Variants in DCUN1D3 observed in about 807,000 individuals in gnomAD.
DCUN1D3 encodes the protein defective in cullin neddylation 1 domain containing 3.
A neutral mutation model predicts 24.8 loss-of-function variants in DCUN1D3; 6 were observed. The observed-to-expected ratio is 0.24, with a 90% confidence interval of 0.13 to 0.48. The LOEUF is 0.48. Among genes scored for constraint, DCUN1D3 ranks in the 20% least tolerant of loss-of-function variants. The pLI, the probability that DCUN1D3 is intolerant of heterozygous loss-of-function variation, is 0.99. For missense variants in DCUN1D3, 258 were observed against 379.4 expected, an observed-to-expected ratio of 0.68 and a Z score of 2.66; for synonymous variants, 120 against 144.9, an observed-to-expected ratio of 0.83 and a Z score of 1.24.
rs2081720472 is a variant in DCUN1D3, at chr16:20,859,658, C to T, written c.*228G>A. The T allele has an allele frequency of 2.2e-6, 1 of 462,672 alleles. No individual in the cohort carries two copies. The allele number at this position is 462,672 out of a possible 1,614,324, so 28.7% of individuals were successfully genotyped here. A position where few individuals can be genotyped will look rare whatever the true frequency, so the allele number is the denominator to read the frequency against. ...AAGATACACAACATGTAACCAGGTT[C>T]AAATATTCTGGGAGATCCCCCCAAA... On this transcript the variant is annotated 3_prime_UTR_variant, in exon 3 of 3. Coordinates refer to ENST00000324344, the MANE Select transcript of DCUN1D3 (RefSeq NM_173475.4).
At chr16:20,895,566 G>C (rs1283943013) in intron 1 of DCUN1D3, among the ~76,000 whole-genome samples, 2 of 152,124 alleles carry the variant, frequency 1.3e-5, no homozygotes, top group African/African-American at 4.8e-5. Context: ...TGGTAACTAA[G>C]GGGTCCAAAA....
chr16:20,874,674 C>A (rs1388320230), intron 1 of DCUN1D3, among the ~76,000 whole-genome samples: 2 of 152,182 alleles, frequency 1.3e-5, no homozygotes, highest in East Asian at 1.9e-4. Context: ...ATCACTGAGA[C>A]AATTTCTCTT....
rs1334636229 is a variant in DCUN1D3 at position 20,857,858 on chromosome 16, T to G, written c.*2028A>C. On this transcript the variant is annotated 3_prime_UTR_variant, in exon 3 of 3. Transcript: ENST00000324344. ...AAACAAATTCCAAGTATGTTCCCTA[T>G]GGTCAATATCAGTTTTAGAAAAATA... The G allele has an allele frequency of 1.3e-5, 2 of 151,990 alleles. No individual in the cohort carries two copies. The highest frequency in any genetic ancestry group is 4.8e-5 in the African/African-American group (2 of 41,362). The allele number at this position is 151,990 out of a possible 1,614,324, so 9.4% of individuals were successfully genotyped here. A position where few individuals can be genotyped will look rare whatever the true frequency, so the allele number is the denominator to read the frequency against.
At chr16:20,895,386 C>T (rs1273089370) in intron 1 of DCUN1D3, among the ~76,000 whole-genome samples, 1 of 152,124 alleles carries the variant, frequency 6.6e-6, no homozygotes, top group Non-Finnish European at 1.5e-5. Context: ...TAGTAGCCTC[C>T]TAACGTGCTG....
In DCUN1D3 at chr16:20,860,595, T is replaced by C. The variant is rs1596627040; in HGVS notation, c.432-226A>G. 6.6e-6 allele frequency among the ~76,000 whole-genome samples: 1 copy of C among 152,234 alleles called. No homozygotes were observed. The highest frequency in any genetic ancestry group is 1.5e-5 in the Non-Finnish European group (1 of 68,042). On this transcript the variant is annotated intron_variant, in intron 2 of 2. Transcript: ENST00000324344. This position sits in a 1 kb window ranked among gnomAD's most constrained non-coding sequence, Gnocchi z 4.3. ...CAAATTACTATTCTGCTTCTAACAGTGCCTGGCACACGGTTGGCAGCTGAT... is the reference window on the plus strand; with the variant it reads ...CAAATTACTATTCTGCTTCTAACAGCGCCTGGCACACGGTTGGCAGCTGAT...
In DCUN1D3 at chr16:20,856,681, C is replaced by A. The variant is rs1454414422; in HGVS notation, c.*3205G>T. 5 of 152,118 alleles carry A rather than the reference C, an allele frequency of 3.3e-5. No homozygotes were observed. Among genetic ancestry groups the A allele is most frequent in the African/African-American group, 9.7e-5 (4 of 41,406 alleles). 9.4% of individuals were successfully genotyped at this position (152,118 alleles called of 1,614,324 possible). ...GACAACCAGCTGAAGCATAGCAAAG[C>A]CCCTTACAGGAGGTGGGGTTAAGAA... is the stretch of plus-strand genomic sequence containing the variant. On this transcript the variant is annotated 3_prime_UTR_variant, in exon 3 of 3. Transcript: ENST00000324344.
rs902206070 is a variant in DCUN1D3, at chr16:20,860,658, T to C, written c.432-289A>G. On this transcript the variant is annotated intron_variant, in intron 2 of 2. Transcript: ENST00000324344. The surrounding 1 kb of genome is among the most constrained non-coding windows in gnomAD (Gnocchi z 4.3). Reference sequence around the variant, plus strand: ...ATTCATTCATTCATCTTCCCAAAGCTAAACTCAAGTCTCCTGCTCCCTGCC... The same window carrying C: ...ATTCATTCATTCATCTTCCCAAAGCCAAACTCAAGTCTCCTGCTCCCTGCC... 3.3e-5 allele frequency among the ~76,000 whole-genome samples: 5 copies of C among 152,328 alleles called. No homozygotes were observed. Among genetic ancestry groups the C allele is most frequent in the African/African-American group, 9.6e-5 (4 of 41,576 alleles).
chr16:20,863,234 A>T (rs2081742757), intron 1 of DCUN1D3, among the ~76,000 whole-genome samples: 1 of 152,226 alleles, frequency 6.6e-6, no homozygotes, highest in Non-Finnish European at 1.5e-5. Context: ...CCCACACAGT[A>T]GGTGAAATGC....
chr16:20,878,391 T>C (rs1248300300), intron 1 of DCUN1D3, among the ~76,000 whole-genome samples: 5 of 152,170 alleles, frequency 3.3e-5, no homozygotes, highest in Admixed American at 3.3e-4. Flanking sequence ...CTCAGGATCT[T>C]AGAAAAAATT....
chr16:20,859,505 C>T lies in DCUN1D3; in HGVS notation c.*381G>A, dbSNP rs2081717786. The T allele has an allele frequency of 2.3e-5, 4 of 172,468 alleles. No individual in the cohort carries two copies. The highest frequency in any genetic ancestry group is 3.6e-5 in the Non-Finnish European group (3 of 83,662). 10.7% of individuals were successfully genotyped at this position (172,468 alleles called of 1,614,324 possible). A position where few individuals can be genotyped will look rare whatever the true frequency, so the allele number is the denominator to read the frequency against. ...TGTAATGTTAATTCAACCTAACAGT[C>T]CCATCCCCCCGCCCTGCTCTATGCC... is the stretch of plus-strand genomic sequence containing the variant. On this transcript the variant is annotated 3_prime_UTR_variant, in exon 3 of 3. Transcript: ENST00000324344.
chr16:20,887,327 A>G (rs1182672161), intron 1 of DCUN1D3, among the ~76,000 whole-genome samples: 1 of 152,196 alleles, frequency 6.6e-6, no homozygotes, highest in East Asian at 1.9e-4. Context: ...ACAATAAAAA[A>G]CAGAACTAGT....
At chr16:20,899,500 AC>A (rs2152520086) in intron 1 of DCUN1D3, among the ~76,000 whole-genome samples, 2 of 152,290 alleles carry the variant, frequency 1.3e-5, no homozygotes, top group East Asian at 3.9e-4. Flanking sequence ...AAAAGAGGTA[AC>A]CAAGGCACTA....
intron 1 of DCUN1D3, among the ~76,000 whole-genome samples, chr16:20,879,005 G>A (rs562932808): frequency 1.3e-5 from 2 of 152,194 alleles, no homozygotes. Context: ...GAAACAGCCA[G>A]CTCTTACTCT....
At chr16:20,899,996 G>C (rs1280525223) in intron 1 of DCUN1D3, 4 of 152,526 alleles carry the variant, frequency 2.6e-5, no homozygotes, top group Non-Finnish European at 5.8e-5. Context: ...GGGGAGGCAG[G>C]GACAGTAGGT....
intron 1 of DCUN1D3, among the ~76,000 whole-genome samples, chr16:20,884,977 CTTTT>C (rs11365673): frequency 3.3e-5 from 4 of 122,802 alleles, no homozygotes; most frequent in African/African-American, 6.6e-5. Context: ...CACCATTTTG[CTTTT>C]TTTTTTTTTT....
intron 1 of DCUN1D3, among the ~76,000 whole-genome samples, chr16:20,899,420 C>A (rs1343899222): frequency 6.6e-6 from 1 of 152,128 alleles, no homozygotes; most frequent in Non-Finnish European, 1.5e-5. Flanking sequence ...GTACTCCCAA[C>A]GTGACAGCCT....
chr16:20,889,615 G>A (rs2081882644), intron 1 of DCUN1D3, among the ~76,000 whole-genome samples: 2 of 151,868 alleles, frequency 1.3e-5, no homozygotes, highest in African/African-American at 4.8e-5. Flanking sequence ...TCAACTTTAG[G>A]TACCCTTATT....
At chr16:20,893,399 C>G (rs1310358249) in intron 1 of DCUN1D3, among the ~76,000 whole-genome samples, 1 of 152,156 alleles carries the variant, frequency 6.6e-6, no homozygotes, top group Non-Finnish European at 1.5e-5. Flanking sequence ...TCTCAAACTC[C>G]TGGGCTCAAG....
chr16:20,885,504 A>G (rs183180506), intron 1 of DCUN1D3, among the ~76,000 whole-genome samples: 16 of 152,288 alleles, frequency 1.1e-4, no homozygotes, highest in Admixed American at 6.5e-4. Flanking sequence ...ATGACAGTGT[A>G]AAGATACACA....
Sources: allele counts gnomAD v4.1 joint callset (sites outside exome capture counted in the v4.1 genomes callset), GRCh38; gene constraint gnomAD v4.1.1; non-coding constraint Gnocchi (gnomAD v3.1); transcripts MANE v1.5; gene names NCBI Gene and HGNC (gene_info 2026-07-23, HGNC 2026-07-21).